Variants in PDE1C observed in about 807,000 individuals in gnomAD.
The protein encoded by PDE1C is phosphodiesterase 1C, also known as dual specificity calcium/calmodulin-dependent 3',5'-cyclic nucleotide phosphodiesterase 1C.
In PDE1C, 62 loss-of-function variants were observed where a neutral mutation model predicts 93.1. The observed-to-expected ratio is 0.67, with a 90% CI of 0.54 to 0.82. PDE1C has a LOEUF of 0.82. Ranked by LOEUF, PDE1C falls within the 40% of genes least tolerant of loss-of-function variation. PDE1C has a pLI of 0.00. For missense variants in PDE1C, 742 were observed against 884.6 expected (o/e 0.84, Z 2.04); for synonymous variants, 325 against 310.1 (o/e 1.05, Z -0.50).
In PDE1C at chr7:32,228,677, G is replaced by A. The variant is rs113687330; in HGVS notation, c.86-19138C>T. Among the ~76,000 whole-genome samples the A allele has an allele frequency of 7.8e-3, 1,186 of 152,208 alleles. 12 individuals carry two copies. Among genetic ancestry groups the A allele is most frequent in the African/African-American group, 0.019 (801 of 41,530 alleles). Reference sequence around the variant, plus strand: ...AACTTCCAAAGACTTCCCACAGCCCGACCCGATGGGTGATCCAGTGCTTCT... The same window carrying A: ...AACTTCCAAAGACTTCCCACAGCCCAACCCGATGGGTGATCCAGTGCTTCT... On this transcript the variant is annotated intron_variant, in intron 1 of 18. Transcript: ENST00000396193.
intron 1 of PDE1C, among the ~76,000 whole-genome samples, chr7:32,068,797 A>C (rs1410512726): frequency 6.6e-6 from 1 of 152,232 alleles, no homozygotes; most frequent in Non-Finnish European, 1.5e-5. Context: ...TATGGATATG[A>C]ATCCCTCTAG....
chr7:31,985,613 G>A (rs1223970998), intron 2 of PDE1C, among the ~76,000 whole-genome samples: 5 of 148,188 alleles, frequency 3.4e-5, no homozygotes, highest in East Asian at 2.0e-4. Context: ...GATGTTCCCC[G>A]CCCTGTGTCT....
Position 32,120,445 on chromosome 7 carries a change from G to A in PDE1C, c.308+49340C>T, listed in dbSNP as rs920369891. Among the ~76,000 whole-genome samples the A allele has an allele frequency of 7.2e-5, 11 of 152,248 alleles. No individual in the cohort carries two copies. The East Asian group carries it at 7.8e-4, about 11-fold the overall frequency. On this transcript the variant is annotated intron_variant, in intron 3 of 18. Transcript: ENST00000396193. ...CCCCATGCCACCCAACTGGTATAGC[G>A]GTTGTCAGACACCCTATACGAGCAT...
At chr7:31,694,772 G>A in the PDE1C span, among the ~76,000 whole-genome samples, 66 of 152,286 alleles carry the variant, frequency 4.3e-4, no homozygotes, top group African/African-American at 1.5e-3. Context: ...GGCGTGATCA[G>A]ATTGGATTCA....
intron 2 of PDE1C, among the ~76,000 whole-genome samples, chr7:31,927,097 T>A (rs1803492887): frequency 1.3e-5 from 2 of 152,120 alleles, no homozygotes; most frequent in Admixed American, 6.5e-5. Context: ...CAATCTGAAG[T>A]TGACCTGGGA....
At chr7:31,772,121 C>T (rs935907203) in intron 17 of PDE1C, among the ~76,000 whole-genome samples, 5 of 151,716 alleles carry the variant, frequency 3.3e-5, no homozygotes, top group African/African-American at 9.7e-5. Flanking sequence ...TTTGTAGTTA[C>T]TTCCACCTCC....
At chr7:32,182,818 G>A (rs955684897) in intron 2 of PDE1C, among the ~76,000 whole-genome samples, 3 of 152,074 alleles carry the variant, frequency 2.0e-5, no homozygotes, top group Admixed American at 2.0e-4. Context: ...GGCAGGAGAA[G>A]GAAATAAAGG....
intron 1 of PDE1C, among the ~76,000 whole-genome samples, chr7:32,236,531 C>CA (rs34078643): frequency 6.6e-6 from 1 of 151,724 alleles, no homozygotes; most frequent in Non-Finnish European, 1.5e-5. Flanking sequence ...ACACAGTAGT[C>CA]AAAAAAAGCA....
intron 2 of PDE1C, among the ~76,000 whole-genome samples, chr7:32,039,052 A>C (rs1011187077): frequency 6.6e-6 from 1 of 152,132 alleles, no homozygotes; most frequent in Non-Finnish European, 1.5e-5. Context: ...CAGCACCACC[A>C]TCATCATCCT....
intron 1 of PDE1C, among the ~76,000 whole-genome samples, chr7:32,058,579 T>C (rs1794406952): frequency 6.6e-6 from 1 of 152,208 alleles, no homozygotes; most frequent in Non-Finnish European, 1.5e-5. Context: ...TCTTACATCA[T>C]TTGTATGAAT....
At chr7:32,066,990 G>C (rs539533544) in intron 1 of PDE1C, among the ~76,000 whole-genome samples, 1 of 152,214 alleles carries the variant, frequency 6.6e-6, no homozygotes, top group Non-Finnish European at 1.5e-5. Context: ...CAGGGCCACA[G>C]AGCAAGGCTG....
At chr7:32,114,531 G>A (rs1476049251) in intron 3 of PDE1C, among the ~76,000 whole-genome samples, 2 of 152,104 alleles carry the variant, frequency 1.3e-5, no homozygotes, top group Admixed American at 6.5e-5. Flanking sequence ...GAAAACCTAG[G>A]CAATACCATT....
chr7:32,330,104 G>C (rs530628957), intron 1 of PDE1C, among the ~76,000 whole-genome samples: 1 of 152,352 alleles, frequency 6.6e-6, no homozygotes, highest in South Asian at 2.1e-4. Flanking sequence ...TGGAGATTTT[G>C]TTTGGATAAA....
chr7:32,014,271 A>T (rs972221295), intron 2 of PDE1C, among the ~76,000 whole-genome samples: 1 of 148,292 alleles, frequency 6.7e-6, no homozygotes, highest in Non-Finnish European at 1.5e-5. Flanking sequence ...GTAAGAAGAT[A>T]GTCTGAAAAC....
At chr7:31,847,387 G>A (rs1792771575) in intron 9 of PDE1C, among the ~76,000 whole-genome samples, 1 of 152,032 alleles carries the variant, frequency 6.6e-6, no homozygotes, top group South Asian at 2.1e-4. Flanking sequence ...ACAGAATTAA[G>A]TGTACATAAT....
At chr7:32,095,060 T>C (rs1406583486) in intron 3 of PDE1C, among the ~76,000 whole-genome samples, 2 of 152,228 alleles carry the variant, frequency 1.3e-5, no homozygotes, top group South Asian at 2.1e-4. Context: ...TAGAAAGTAA[T>C]GTGCCCCTCT....
chr7:31,748,135 C>T (rs184614606), downstream of PDE1C, among the ~76,000 whole-genome samples: 1 of 151,658 alleles, frequency 6.6e-6, no homozygotes, highest in African/African-American at 2.4e-5. Context: ...CCAAGAATAA[C>T]CAAGGGCAGC....
intron 2 of PDE1C, among the ~76,000 whole-genome samples, chr7:31,994,792 A>G (rs6462322): frequency 0.19 from 28,992 of 152,190 alleles, 3,454 homozygotes; most frequent in Non-Finnish European, 0.27. Context: ...AGGAAGAGTG[A>G]CGGCACAATT....
chr7:32,284,920 C>T (rs542215353), intron 1 of PDE1C, among the ~76,000 whole-genome samples: 24 of 151,882 alleles, frequency 1.6e-4, no homozygotes, highest in Admixed American at 1.0e-3. Context: ...ATCCCAGCTA[C>T]TTGGGAGGCT....
Sources: gnomAD v4.1 joint callset for allele counts (sites outside exome capture counted in the v4.1 genomes callset) on GRCh38, gnomAD v4.1.1 for gene constraint, MANE v1.5 for transcripts, NCBI Gene and HGNC (gene_info 2026-07-23, HGNC 2026-07-21) for gene names.